The following KPNA7 variants were observed in gnomAD, a reference collection of about 807,000 sequenced individuals.
KPNA7 encodes the protein importin subunit alpha-8.
In KPNA7, 54 loss-of-function variants were observed where a neutral mutation model predicts 53.7. That is an observed-to-expected ratio of 1.01 (90% CI 0.81 to 1.26). The LOEUF (loss-of-function observed/expected upper bound fraction) is 1.26, where lower values mean the gene tolerates loss of function less well. Among genes scored for constraint, KPNA7 ranks in the 50% most tolerant of loss-of-function variants. The pLI is 0.00. For missense variants in KPNA7, 640 were observed against 644.5 expected (o/e 0.99, Z 0.07); for synonymous variants, 276 against 259.3 (o/e 1.06, Z -0.62).
At chr7:99,212,901 A>AG (rs138683414), upstream of KPNA7, among the ~76,000 whole-genome samples, 1,981 of 152,112 alleles carry the variant, frequency 0.013, 39 homozygotes, top group African/African-American at 0.045. Flanking sequence ...AGAAAAGAAA[A>AG]AAAGAAAAGA....
chr7:99,179,181 A>G (rs1799050383), intron 9 of KPNA7, among the ~76,000 whole-genome samples: 1 of 152,174 alleles, frequency 6.6e-6, no homozygotes. Flanking sequence ...AATTACATTA[A>G]AAAGATGCTT....
intron 1 of KPNA7, among the ~76,000 whole-genome samples, chr7:99,214,423 A>T (rs560969300): frequency 6.6e-6 from 1 of 150,780 alleles, no homozygotes; most frequent in Admixed American, 6.7e-5. Context: ...AGTCTGGGTG[A>T]CAGAGCAAGA....
At chr7:99,189,768 C>CT (rs924470417) in intron 6 of KPNA7, among the ~76,000 whole-genome samples, 30 of 151,400 alleles carry the variant, frequency 2.0e-4, no homozygotes, top group Non-Finnish European at 3.8e-4. Flanking sequence ...GCTAGACATG[C>CT]TTTTTGTAGA....
At chr7:99,191,158 CA>C (rs1486420783) in intron 6 of KPNA7, among the ~76,000 whole-genome samples, 2 of 65,692 alleles carry the variant, frequency 3.0e-5, no homozygotes, top group Non-Finnish European at 5.7e-5. Flanking sequence ...CTCTGCTATA[CA>C]ATTTTTTTTT....
chr7:99,206,696 A>G (rs34929886), intron 2 of KPNA7, among the ~76,000 whole-genome samples: 10,076 of 152,004 alleles, frequency 0.066, 367 homozygotes, highest in South Asian at 0.15. Flanking sequence ...TAGAACTCCT[A>G]TCTTCAAGCG....
intron 1 of KPNA7, among the ~76,000 whole-genome samples, chr7:99,215,815 G>GA (rs1275386768): frequency 2.0e-5 from 3 of 151,670 alleles, no homozygotes; most frequent in South Asian, 2.1e-4. Flanking sequence ...ACAAATAAAT[G>GA]AAAAAAATAT....
chr7:99,172,828 T>C (rs1798793654), downstream of KPNA7, among the ~76,000 whole-genome samples: 1 of 152,064 alleles, frequency 6.6e-6, no homozygotes, highest in African/African-American at 2.4e-5. Context: ...TTTAGGAGGC[T>C]GAGACATGTG....
intron 6 of KPNA7, among the ~76,000 whole-genome samples, chr7:99,189,280 G>A (rs936492591): frequency 7.2e-5 from 11 of 151,922 alleles, no homozygotes; most frequent in Non-Finnish European, 1.5e-5. Context: ...CATCCCTTTT[G>A]GCCTTTTATT....
the KPNA7 span, among the ~76,000 whole-genome samples, chr7:99,163,381 A>ATTTTTTTTTTTTTTT: frequency 1.7e-5 from 1 of 58,894 alleles, no homozygotes; most frequent in African/African-American, 6.8e-5. Context: ...ATATATATAT[A>ATTTTTTTTTTTTTTT]TATTTTTTTT....
intron 7 of KPNA7, among the ~76,000 whole-genome samples, 165 bp from the exon 8 acceptor site, chr7:99,185,327 A>G (rs974790313): frequency 1.3e-5 from 2 of 152,064 alleles, no homozygotes; most frequent in African/African-American, 4.8e-5. Flanking sequence ...CAATTCATCC[A>G]TGGCCTTTTA....
chr7:99,218,491 G>GGGCA (rs1237902150), intron 1 of KPNA7, among the ~76,000 whole-genome samples: 1 of 152,074 alleles, frequency 6.6e-6, no homozygotes, highest in African/African-American at 2.4e-5. Context: ...CAGGAAGGAG[G>GGGCA]GGCACATGGC....
rs1187385556 is a variant in KPNA7, at chr7:99,188,502, T to C, written c.698A>G (p.Tyr233Cys). Residue 233 changes from tyrosine (Y) to cysteine (C), a missense_variant, in exon 7 of 11, where the codon TAC (tyrosine) becomes TGC (cysteine). By Grantham distance (194) the Tyr-to-Cys change is radical (BLOSUM62 -2). Transcript: ENST00000327442. ...CTGCTTCACCGCAGTGTCGCAAGGG[T>C]ATGGGTTCTTGTTTCGGCACAGATT... is the stretch of plus-strand genomic sequence containing the variant. ...LSNLCRNKNP[Y>C]PCDTAVKQIL... 1 of 1,551,452 alleles carries C rather than the reference T, an allele frequency of 6.4e-7. No individual in the cohort carries two copies. The highest frequency in any genetic ancestry group is 2.0e-5 in the Admixed American group (1 of 50,960).
Position 99,185,084 on chromosome 7 carries a change from G to A in KPNA7, c.979C>T (p.Leu327=), listed in dbSNP as rs1174390320. ...QTQMAIDAGM[L]NVLPQLLQHN... ...TGCAGGAGCTGGGGGAGCACGTTCA[G>A]CATACCCGCATCAATGGCCATCTGC... The change falls in exon 8 of 11, where the codon CTG becomes TTG. Residue 327 remains leucine (L), a synonymous_variant. Transcript: ENST00000327442. 3.2e-6 allele frequency: 5 copies of A among 1,551,830 alleles called. No homozygotes were observed. In the Admixed American group the frequency reaches 7.9e-5, roughly 24 times the overall value.
chr7:99,174,364 T>C (rs941676071), intron 10 of KPNA7, among the ~76,000 whole-genome samples: 2 of 152,288 alleles, frequency 1.3e-5, no homozygotes, highest in South Asian at 2.1e-4. Flanking sequence ...ATGAGCTGTA[T>C]AATTATTTCA....
At chr7:99,212,232 CCTTTT>C (rs1416229817), upstream of KPNA7, among the ~76,000 whole-genome samples, 29 of 118,296 alleles carry the variant, frequency 2.5e-4, no homozygotes, top group African/African-American at 7.1e-4. Context: ...CCACATGTGT[CCTTTT>C]TTTTTTTTTT....
At chr7:99,194,898 C>T (rs1790147791) in intron 5 of KPNA7, among the ~76,000 whole-genome samples, 172 bp downstream of exon 5, 1 of 152,158 alleles carries the variant, frequency 6.6e-6, no homozygotes, top group African/African-American at 2.4e-5. Context: ...AGCCACCGTG[C>T]CTGGCCTGGC....
At chr7:99,187,600 C>T (rs1789666260) in intron 7 of KPNA7, among the ~76,000 whole-genome samples, 1 of 142,978 alleles carries the variant, frequency 7.0e-6, no homozygotes, top group Non-Finnish European at 1.5e-5. Flanking sequence ...GTCACCCAGG[C>T]TGGAGAGCAG....
chr7:99,169,127 G>C (rs970943336), downstream of KPNA7, among the ~76,000 whole-genome samples: 1 of 152,092 alleles, frequency 6.6e-6, no homozygotes, highest in Admixed American at 6.6e-5. Flanking sequence ...CTTCACTCCA[G>C]CCTGGCGACA....
intron 3 of KPNA7, among the ~76,000 whole-genome samples, chr7:99,198,519 G>GGGGGGGAACCCACATGATCATCTCAA (rs1790344355): frequency 7.8e-6 from 1 of 128,560 alleles, no homozygotes; most frequent in Non-Finnish European, 1.7e-5. Context: ...ATTAATAAAG[G>GGGGGGGAACCCACATGATCATCTCAA]GGGGGGAACC....
Sources: gnomAD v4.1 joint callset for allele counts (sites outside exome capture counted in the v4.1 genomes callset) on GRCh38, gnomAD v4.1.1 for gene constraint, MANE v1.5 for transcripts, NCBI Gene and HGNC (gene_info 2026-07-23, HGNC 2026-07-21) for gene names.